GTF2B: variants seen among roughly 807,000 people sequenced by gnomAD.
The protein encoded by GTF2B is general transcription factor IIB.
In GTF2B, 20 loss-of-function variants were observed where a neutral mutation model predicts 34.6. The observed-to-expected ratio is 0.58, with a 90% confidence interval of 0.41 to 0.84. GTF2B has a LOEUF of 0.84. Among genes scored for constraint, GTF2B ranks in the 40% least tolerant of loss-of-function variants. GTF2B has a pLI of 0.00. For missense variants in GTF2B, 237 were observed against 393.3 expected (o/e 0.60, Z 3.36); for synonymous variants, 142 against 132.4 (o/e 1.07, Z -0.50).
chr1:88,889,131 T>C (rs1341301835), intron 1 of GTF2B, among the ~76,000 whole-genome samples: 1 of 152,152 alleles, frequency 6.6e-6, no homozygotes, highest in Non-Finnish European at 1.5e-5. Flanking sequence ...GCATAAACAC[T>C]AGGAAAACAC....
intron 2 of GTF2B, among the ~76,000 whole-genome samples, chr1:88,873,634 C>T (rs145706057): frequency 2.2e-3 from 336 of 152,252 alleles, no homozygotes; most frequent in Non-Finnish European, 3.5e-3. Flanking sequence ...TAGTATGACC[C>T]AAGCTCCTTC....
At position 88,860,304 on chromosome 1, in the gene GTF2B, A is replaced by T. The variant is rs758616949; in HGVS notation, c.259-18T>A. On this transcript the variant is annotated intron_variant, in intron 3 of 6. Coordinates refer to ENST00000370500, the MANE Select transcript of GTF2B (RefSeq NM_001514.6). The stretch of plus-strand genomic sequence containing the variant: ...CCTGTGCCCTATAAAACAGTTTTAT[A>T]ACTATGAAAAAATTTTTTGGAAAGC... 1 of 1,581,338 alleles carries T rather than the reference A, an allele frequency of 6.3e-7. No homozygotes were observed. Among genetic ancestry groups the T allele is most frequent in the Non-Finnish European group, 8.6e-7 (1 of 1,167,364 alleles).
intron 2 of GTF2B, among the ~76,000 whole-genome samples, chr1:88,883,839 C>T (rs1438466203): frequency 6.6e-6 from 1 of 152,094 alleles, no homozygotes; most frequent in African/African-American, 2.4e-5. Flanking sequence ...CTTGGCAAAT[C>T]TGTTCCACTA....
intron 2 of GTF2B, among the ~76,000 whole-genome samples, chr1:88,870,969 T>A (rs1035805811): frequency 1.3e-5 from 2 of 150,144 alleles, no homozygotes; most frequent in African/African-American, 2.5e-5. Flanking sequence ...TGGTGCAATC[T>A]TGGCTCACTG....
At chr1:88,871,216 A>G (rs1357402680) in intron 2 of GTF2B, among the ~76,000 whole-genome samples, 1 of 152,092 alleles carries the variant, frequency 6.6e-6, no homozygotes, top group East Asian at 1.9e-4. Context: ...TTGTCTTCTT[A>G]TGTTGTAAAA....
intron 2 of GTF2B, among the ~76,000 whole-genome samples, chr1:88,874,003 A>C (rs1673758158): frequency 6.6e-6 from 1 of 152,180 alleles, no homozygotes; most frequent in Non-Finnish European, 1.5e-5. Context: ...AGGATGGGGG[A>C]GAGGAGAAGT....
intron 2 of GTF2B, among the ~76,000 whole-genome samples, chr1:88,879,242 A>G (rs982139405): frequency 6.6e-6 from 1 of 151,932 alleles, no homozygotes; most frequent in Non-Finnish European, 1.5e-5. Flanking sequence ...ATATAAGCTT[A>G]TAAGATAAAT....
At chr1:88,865,393 T>C (rs1673525899) in intron 2 of GTF2B, among the ~76,000 whole-genome samples, 2 of 152,192 alleles carry the variant, frequency 1.3e-5, no homozygotes, top group Non-Finnish European at 2.9e-5. Context: ...TTCTCCTTTT[T>C]TGTGGGGATG....
At chr1:88,875,633 A>G (rs1436836737) in intron 2 of GTF2B, among the ~76,000 whole-genome samples, 1 of 152,062 alleles carries the variant, frequency 6.6e-6, no homozygotes, top group Non-Finnish European at 1.5e-5. Context: ...ATAAATCCTT[A>G]CTCATTCTTA....
chr1:88,867,261 C>T (rs1193993509), intron 2 of GTF2B, among the ~76,000 whole-genome samples: 4 of 152,116 alleles, frequency 2.6e-5, no homozygotes, highest in Admixed American at 2.0e-4. Flanking sequence ...CTGTGTTTTT[C>T]GTTCATATGT....
chr1:88,878,998 T>G (rs1056306619), intron 2 of GTF2B, among the ~76,000 whole-genome samples: 2 of 152,176 alleles, frequency 1.3e-5, no homozygotes, highest in Admixed American at 6.5e-5. Flanking sequence ...TACTGACTCA[T>G]AAAATCATGA....
chr1:88,877,337 A>G (rs537635378), intron 2 of GTF2B, among the ~76,000 whole-genome samples: 5 of 152,356 alleles, frequency 3.3e-5, no homozygotes, highest in Admixed American at 2.6e-4. Context: ...TTAGATTTAA[A>G]TGGTACACAA....
chr1:88,887,029 C>T (rs1674086242), intron 2 of GTF2B, among the ~76,000 whole-genome samples: 1 of 152,070 alleles, frequency 6.6e-6, no homozygotes, highest in Non-Finnish European at 1.5e-5. Context: ...AGCCATTCTC[C>T]TACCTCAGCC....
chr1:88,868,503 A>G (rs1673608789), intron 2 of GTF2B, among the ~76,000 whole-genome samples: 1 of 148,996 alleles, frequency 6.7e-6, no homozygotes. Context: ...GTATTTATGT[A>G]TTTCACACAT....
intron 2 of GTF2B, among the ~76,000 whole-genome samples, chr1:88,866,299 A>T (rs1371216615): frequency 6.6e-6 from 1 of 152,212 alleles, no homozygotes; most frequent in African/African-American, 2.4e-5. Context: ...GGCTGCAGGG[A>T]GCCATGATTA....
intron 3 of GTF2B, among the ~76,000 whole-genome samples, chr1:88,861,691 G>C (rs1020680208): frequency 6.6e-6 from 1 of 152,170 alleles, no homozygotes; most frequent in Admixed American, 6.6e-5. Flanking sequence ...AACAGGCCGA[G>C]TGTGATGGCA....
chr1:88,873,863 G>T (rs1221960039), intron 2 of GTF2B, among the ~76,000 whole-genome samples: 2 of 152,156 alleles, frequency 1.3e-5, no homozygotes, highest in Non-Finnish European at 1.5e-5. Flanking sequence ...AGCTACAAGG[G>T]AAACTGGGAA....
At position 88,864,125 on chromosome 1, in the gene GTF2B, AAGC is replaced by A; in HGVS notation, c.125-14_125-12del. The A allele has an allele frequency of 6.2e-7, 1 of 1,613,456 alleles. No individual in the cohort carries two copies. The highest frequency in any genetic ancestry group is 1.3e-5 in the African/African-American group (1 of 75,038). ...CAATAACCCGGTCACCTAAGAATAT[AAGC>A]ACATATCTGAATCATTTTGTCAAGA... On this transcript the variant is annotated splice_polypyrimidine_tract_variant and intron_variant, in intron 2 of 6. Coordinates refer to ENST00000370500, the MANE Select transcript of GTF2B (RefSeq NM_001514.6).
intron 2 of GTF2B, among the ~76,000 whole-genome samples, chr1:88,885,761 C>G (rs149282208): frequency 6.6e-6 from 1 of 151,962 alleles, no homozygotes; most frequent in Non-Finnish European, 1.5e-5. Flanking sequence ...AAAAAACAAA[C>G]GAAGAAAAAC....
Sources: allele counts gnomAD v4.1 joint callset (sites outside exome capture counted in the v4.1 genomes callset), GRCh38; gene constraint gnomAD v4.1.1; transcripts MANE v1.5; gene names NCBI Gene and HGNC (gene_info 2026-07-23, HGNC 2026-07-21).